The following RRM2 variants were observed in gnomAD, a reference collection of about 807,000 sequenced individuals.
The protein encoded by RRM2 is ribonucleotide reductase regulatory subunit M2, also known as ribonucleoside-diphosphate reductase subunit M2.
A neutral mutation model predicts 45.9 loss-of-function variants in RRM2; 6 were observed. The ratio of observed to expected loss-of-function variants is 0.13; its 90% confidence interval spans 0.07 to 0.26. The LOEUF is 0.26. RRM2 is among the 10% of genes least tolerant of loss of function. RRM2 has a pLI of 1.00. For missense variants in RRM2, 343 were observed against 489.5 expected (o/e 0.70, Z 2.82); for synonymous variants, 177 against 173.0 (o/e 1.02, Z -0.18).
intron 3 of RRM2, among the ~76,000 whole-genome samples, chr2:10,152,531 A>G (rs2357466): frequency 0.64 from 95,414 of 149,590 alleles, 30,901 homozygotes; most frequent in African/African-American, 0.7. Flanking sequence ...CACCCAGGCC[A>G]GAGTGCAGTG....
At chr2:10,142,936 C>T (rs1384490720) in intron 3 of RRM2, among the ~76,000 whole-genome samples, 6 of 152,214 alleles carry the variant, frequency 3.9e-5, no homozygotes, top group African/African-American at 1.4e-4. Context: ...TGCAGTGGCG[C>T]GATCTCGACT....
intron 3 of RRM2, among the ~76,000 whole-genome samples, chr2:10,175,419 G>C (rs369643405): frequency 2.0e-5 from 3 of 152,144 alleles, no homozygotes; most frequent in African/African-American, 4.8e-5. Context: ...TAAGTGTACA[G>C]TTCAACGTTA....
intron 3 of RRM2, among the ~76,000 whole-genome samples, chr2:10,200,518 GGGACTGCGC>G: frequency 8.9e-5 from 1 of 11,174 alleles, no homozygotes; most frequent in East Asian, 6.5e-3. Context: ...GAGGCCCACA[GGGACTGCGC>G]GCACAAATTA....
At chr2:10,164,046 ATG>A (rs944080458) in intron 3 of RRM2, among the ~76,000 whole-genome samples, 3 of 151,142 alleles carry the variant, frequency 2.0e-5, no homozygotes, top group Non-Finnish European at 4.4e-5. Context: ...GAGTGTGAAT[ATG>A]TGTGTGTGCA....
chr2:10,178,805 T>C (rs891367757), intron 3 of RRM2, among the ~76,000 whole-genome samples: 4 of 152,180 alleles, frequency 2.6e-5, no homozygotes, highest in Admixed American at 6.5e-5. Context: ...TGGGAAGTGA[T>C]TAAGTCACGA....
At chr2:10,126,990 A>C (rs777891957) in intron 6 of RRM2, 21 bp downstream of exon 6, 27 of 1,611,934 alleles carry the variant, frequency 1.7e-5, no homozygotes, top group Non-Finnish European at 1.8e-5. Flanking sequence ...CCTTGCCCCT[A>C]CTTAAACCTG....
chr2:10,190,164 ATGG>A (rs1472372718), intron 3 of RRM2, among the ~76,000 whole-genome samples: 6 of 120,954 alleles, frequency 5.0e-5, no homozygotes, highest in Non-Finnish European at 1.2e-4. Flanking sequence ...ATTGGTGGTG[ATGG>A]TGGTGGTGAT....
rs1371137224 is a variant in RRM2 at position 10,122,874 on chromosome 2, A to G, written c.76A>G (p.Ser26Gly). The part of the protein sequence containing the change: ...QLQLSPLKGL[S>G]LVDKENTPPA... ...GCAGCTCTCGCCGCTGAAGGGGCTC[A>G]GCTTGGTCGACAAGGAGAACACGGT... The change falls in exon 1 of 10, where the codon AGC becomes GGC. Residue 26 changes from serine (S) to glycine (G), a missense_variant. Ser to Gly is a moderately conservative substitution (Grantham distance 56). This residue lies in a region of RRM2 where 131 missense variants were observed against 121.4 expected (regional missense o/e 1.08). Transcript: ENST00000304567. 2 of 1,597,510 alleles carry G rather than the reference A, an allele frequency of 1.3e-6. No individual in the cohort carries two copies. The highest frequency in any genetic ancestry group is 4.5e-5 in the East Asian group (2 of 44,334).
exon 1 of RRM2, chr2:10,141,641 G>A (rs763037175): frequency 2.7e-5 from 17 of 626,550 alleles, no homozygotes; most frequent in Admixed American, 6.0e-5. Flanking sequence ...CACGGAGGAG[G>A]GTATGATTAG....
At chr2:10,152,909 A>G (rs1018919777) in intron 3 of RRM2, among the ~76,000 whole-genome samples, 2 of 152,246 alleles carry the variant, frequency 1.3e-5, no homozygotes, top group Non-Finnish European at 2.9e-5. Context: ...TAAATAAAAA[A>G]TAGAACTACC....
chr2:10,190,889 G>A (rs1027989430), intron 3 of RRM2, among the ~76,000 whole-genome samples: 1 of 152,120 alleles, frequency 6.6e-6, no homozygotes, highest in Non-Finnish European at 1.5e-5. Context: ...TGATGGTGAC[G>A]ATGGTGATAT....
At chr2:10,193,447 G>GCCTCAGTGTC (rs1365886563) in intron 3 of RRM2, among the ~76,000 whole-genome samples, 1 of 152,176 alleles carries the variant, frequency 6.6e-6, no homozygotes, top group Non-Finnish European at 1.5e-5. Context: ...GGTGCCGGGT[G>GCCTCAGTGTC]CCTCAGTGTC....
rs1430407181 is a variant in RRM2 at position 10,127,984 on chromosome 2, G to C, written c.798+764G>C. 6.6e-6 allele frequency among the ~76,000 whole-genome samples: 1 copy of C among 151,848 alleles called. No individual in the cohort carries two copies. Among genetic ancestry groups the C allele is most frequent in the Admixed American group, 6.6e-5 (1 of 15,242 alleles). Reference sequence around the variant, plus strand: ...GATTGAGACCATCCTGGCTAACACGGTGAAACCCCATCTCTACTAAAAATA... The same window carrying C: ...GATTGAGACCATCCTGGCTAACACGCTGAAACCCCATCTCTACTAAAAATA... On this transcript the variant is annotated intron_variant, in intron 7 of 9. Coordinates refer to ENST00000304567, the MANE Select transcript of RRM2 (RefSeq NM_001034.4). This position sits in a 1 kb window ranked among gnomAD's most constrained non-coding sequence, Gnocchi z 4.1.
At chr2:10,138,322 C>A (rs1207355574), upstream of RRM2, among the ~76,000 whole-genome samples, 1 of 152,156 alleles carries the variant, frequency 6.6e-6, no homozygotes, top group African/African-American at 2.4e-5. Context: ...CACATGCCAC[C>A]ATGCCCTGTT....
rs750330383 is a variant in RRM2 at position 10,123,515 on chromosome 2, T to C, written c.303T>C (p.Phe101=). The change falls in exon 3 of 10, where the codon TTT becomes TTC. Residue 101 remains phenylalanine, a synonymous_variant. Transcript: ENST00000304567. ...WQMYKKAEAS[F]WTAEEVDLSK... Reference sequence around the variant, plus strand: ...TGTATAAGAAGGCAGAGGCTTCCTTTTGGACCGCCGAGGAGGTAATCGGAG... The same window carrying C: ...TGTATAAGAAGGCAGAGGCTTCCTTCTGGACCGCCGAGGAGGTAATCGGAG... The C allele has an allele frequency of 1.9e-6, 3 of 1,613,362 alleles. No individual in the cohort carries two copies. Among genetic ancestry groups the C allele is most frequent in the South Asian group, 2.2e-5 (2 of 91,058 alleles).
intron 3 of RRM2, among the ~76,000 whole-genome samples, chr2:10,194,612 G>A (rs932194649): frequency 6.6e-6 from 1 of 152,208 alleles, no homozygotes; most frequent in Non-Finnish European, 1.5e-5. Flanking sequence ...GCCCCGGGTG[G>A]CTTGGCCGGC....
At chr2:10,136,978 G>A (rs1662998920), upstream of RRM2, among the ~76,000 whole-genome samples, 1 of 152,218 alleles carries the variant, frequency 6.6e-6, no homozygotes, top group Admixed American at 6.5e-5. Context: ...CAGAGAGGCT[G>A]AAGCCTCATC....
intron 5 of RRM2, among the ~76,000 whole-genome samples, chr2:10,125,388 C>G (rs7577557): frequency 6.6e-6 from 1 of 152,062 alleles, no homozygotes; most frequent in African/African-American, 2.4e-5. Flanking sequence ...TAGAAATGGG[C>G]TGCTGGAGTA....
chr2:10,149,421 G>C (rs1354595916), intron 3 of RRM2, among the ~76,000 whole-genome samples: 1 of 152,188 alleles, frequency 6.6e-6, no homozygotes, highest in African/African-American at 2.4e-5. Flanking sequence ...GAGTCACTGC[G>C]CCCAGCCCTG....
Sources: allele counts gnomAD v4.1 joint callset (sites outside exome capture counted in the v4.1 genomes callset), GRCh38; gene constraint gnomAD v4.1.1; regional missense constraint gnomAD v4.1.1; non-coding constraint Gnocchi (gnomAD v3.1); transcripts MANE v1.5; gene names NCBI Gene and HGNC (gene_info 2026-07-23, HGNC 2026-07-21).